The following NMNAT2 variants were observed in gnomAD, a reference collection of about 807,000 sequenced individuals.
NMNAT2 encodes nicotinamide/nicotinic acid mononucleotide adenylyltransferase 2.
A neutral mutation model predicts 41.6 loss-of-function variants in NMNAT2; 11 were observed. That is an observed-to-expected ratio of 0.26 (90% CI 0.17 to 0.44). The LOEUF is 0.44. Among genes scored for constraint, NMNAT2 ranks in the 20% least tolerant of loss-of-function variants. The pLI, the probability that NMNAT2 is intolerant of heterozygous loss-of-function variation, is 1.00. For missense variants in NMNAT2, 288 were observed against 407.7 expected, an observed-to-expected ratio of 0.71 and a Z score of 2.53; for synonymous variants, 148 against 151.2, an observed-to-expected ratio of 0.98 and a Z score of 0.16.
intron 1 of NMNAT2, among the ~76,000 whole-genome samples, chr1:183,329,023 T>C (rs1184686035): frequency 6.6e-6 from 1 of 152,034 alleles, no homozygotes; most frequent in African/African-American, 2.4e-5. Flanking sequence ...TCGGTAGAAA[T>C]AGCAAACAAT....
chr1:183,360,994 T>G (rs774620979), intron 1 of NMNAT2, among the ~76,000 whole-genome samples: 1 of 152,222 alleles, frequency 6.6e-6, no homozygotes, highest in African/African-American at 2.4e-5. Flanking sequence ...AACCACGTTT[T>G]AACTGTAAAT....
In NMNAT2 at chr1:183,389,821, AAAGAAAGAAAGAAAGAAAGAAAGG is replaced by A. The variant is rs1557897738; in HGVS notation, c.85+28338_85+28361del. Among the ~76,000 whole-genome samples the A allele has an allele frequency of 1.4e-3, 83 of 60,942 alleles. 6 individuals are homozygous for A. Among genetic ancestry groups the A allele is most frequent in the African/African-American group, 4.0e-3 (81 of 20,328 alleles). 40.0% of individuals were successfully genotyped at this position (60,942 alleles called of 152,430 possible). On this transcript the variant is annotated intron_variant, in intron 1 of 10. Transcript: ENST00000287713. ...GAAAGAAAGAAAGAAAGAAAGAAAG[AAAGAAAGAAAGAAAGAAAGAAAGG>A]AAAAAAGAGAAAGAAAGAAAGAAAG... is the stretch of plus-strand genomic sequence containing the variant.
chr1:183,388,114 C>T (rs2101919376), intron 1 of NMNAT2, among the ~76,000 whole-genome samples: 1 of 152,334 alleles, frequency 6.6e-6, no homozygotes, highest in Non-Finnish European at 1.5e-5. Context: ...AAAGAAACTA[C>T]AGCCCAGGAT....
At chr1:183,263,975 T>C (rs1466002660) in intron 8 of NMNAT2, among the ~76,000 whole-genome samples, 2 of 151,108 alleles carry the variant, frequency 1.3e-5, no homozygotes, top group Non-Finnish European at 3.0e-5. Context: ...GAGAAAGAGA[T>C]AGAAAAGAGA....
chr1:183,272,409 A>G (rs1353683788), intron 8 of NMNAT2, among the ~76,000 whole-genome samples: 2 of 151,986 alleles, frequency 1.3e-5, no homozygotes, highest in Non-Finnish European at 2.9e-5. Flanking sequence ...CCATACAGCC[A>G]CTCTGTTCTA....
At chr1:183,290,915 C>T (rs1417378833) in intron 3 of NMNAT2, among the ~76,000 whole-genome samples, 3 of 152,082 alleles carry the variant, frequency 2.0e-5, no homozygotes, top group Non-Finnish European at 4.4e-5. Flanking sequence ...GGCTTAATTG[C>T]CAACTTAATG....
intron 10 of NMNAT2, among the ~76,000 whole-genome samples, chr1:183,253,904 CGTGTGTGTGTGTGTGTGTGT>C (rs139756017): frequency 6.9e-6 from 1 of 144,270 alleles, no homozygotes; most frequent in Non-Finnish European, 1.5e-5. Context: ...GTTCCACTTC[CGTGTGTGTGTGTGTGTGTGT>C]GTGTGTGTGT....
At chr1:183,320,431 CCT>C (rs1201416401) in intron 1 of NMNAT2, among the ~76,000 whole-genome samples, 1 of 152,008 alleles carries the variant, frequency 6.6e-6, no homozygotes, top group African/African-American at 2.4e-5. Context: ...TGGTGAAACC[CCT>C]GTCTCTACTA....
intron 10 of NMNAT2, among the ~76,000 whole-genome samples, chr1:183,254,892 C>T (rs1660478915): frequency 6.6e-6 from 1 of 151,996 alleles, no homozygotes; most frequent in Admixed American, 6.6e-5. Flanking sequence ...TGGTTGTTTC[C>T]TTTGCTGTAC....
intron 1 of NMNAT2, among the ~76,000 whole-genome samples, chr1:183,308,342 C>T (rs759415437): frequency 3.9e-5 from 6 of 152,182 alleles, no homozygotes; most frequent in Non-Finnish European, 8.8e-5. Flanking sequence ...CATTCTAACA[C>T]GTGGTCCACG....
chr1:183,301,201 G>A (rs991185449), intron 1 of NMNAT2, among the ~76,000 whole-genome samples: 14 of 152,220 alleles, frequency 9.2e-5, no homozygotes, highest in African/African-American at 3.4e-4. Context: ...GGCTTTGCCT[G>A]AGATTCAGCA....
intron 1 of NMNAT2, among the ~76,000 whole-genome samples, chr1:183,391,340 T>C (rs4428846): frequency 6.6e-6 from 1 of 152,166 alleles, no homozygotes; most frequent in African/African-American, 2.4e-5. Flanking sequence ...CTTCTACATA[T>C]AGATGAATTG....
At chr1:183,255,297 C>T (rs908507909) in intron 10 of NMNAT2, among the ~76,000 whole-genome samples, 2 of 152,258 alleles carry the variant, frequency 1.3e-5, no homozygotes, top group South Asian at 4.1e-4. Context: ...ATGCCAGTAC[C>T]ATACTGTTTT....
At chr1:183,387,750 G>A (rs1369385253) in intron 1 of NMNAT2, among the ~76,000 whole-genome samples, 1 of 152,126 alleles carries the variant, frequency 6.6e-6, no homozygotes, top group East Asian at 1.9e-4. Flanking sequence ...CCCATCTCCA[G>A]GGTCCATCTC....
At chr1:183,358,731 C>T (rs634375) in intron 1 of NMNAT2, among the ~76,000 whole-genome samples, 67,103 of 152,016 alleles carry the variant, frequency 0.44, 15,390 homozygotes, top group East Asian at 0.67. Context: ...ATACTGAGTC[C>T]TAGATGTTTC....
chr1:183,285,937 G>A (rs996146843), intron 5 of NMNAT2, among the ~76,000 whole-genome samples: 13 of 152,136 alleles, frequency 8.5e-5, no homozygotes, highest in Non-Finnish European at 1.8e-4. Context: ...GGTGCGGACC[G>A]CCTGGGTGTG....
intron 1 of NMNAT2, among the ~76,000 whole-genome samples, chr1:183,403,988 G>A (rs765703082): frequency 6.6e-6 from 1 of 152,026 alleles, no homozygotes; most frequent in African/African-American, 2.4e-5. Context: ...AAGAAAAAGG[G>A]TCCCTATTTT....
intron 8 of NMNAT2, among the ~76,000 whole-genome samples, chr1:183,265,230 A>G (rs1660780046): frequency 6.7e-6 from 1 of 149,506 alleles, no homozygotes; most frequent in South Asian, 2.1e-4. Context: ...CCTTTTCCAT[A>G]AATAGAAATT....
chr1:183,390,664 G>T (rs1648456054), intron 1 of NMNAT2, among the ~76,000 whole-genome samples: 1 of 152,138 alleles, frequency 6.6e-6, no homozygotes, highest in Admixed American at 6.6e-5. Flanking sequence ...AACCAAAGTA[G>T]TTTTTGCTGG....
Sources: allele counts gnomAD v4.1 joint callset (sites outside exome capture counted in the v4.1 genomes callset), GRCh38; gene constraint gnomAD v4.1.1; transcripts MANE v1.5; gene names NCBI Gene and HGNC (gene_info 2026-07-23, HGNC 2026-07-21).